Variants in SEC22C observed in about 807,000 individuals in gnomAD.
SEC22C encodes vesicle-trafficking protein SEC22c.
Under a neutral mutation model 34.7 loss-of-function variants are expected in SEC22C, and 29 were observed. The ratio of observed to expected loss-of-function variants is 0.84; its 90% CI spans 0.62 to 1.14. The LOEUF is 1.14. SEC22C is among the 50% of genes most tolerant of loss of function. The probability of loss-of-function intolerance (pLI) is 0.00; values close to 1 mark genes in which losing one functional copy is unlikely to be tolerated. For synonymous variants in SEC22C, 117 were observed against 132.8 expected (o/e 0.88, Z 0.82); for missense variants, 337 against 369.0 (o/e 0.91, Z 0.71).
At chr3:42,555,346 CAA>C (rs34824398) in intron 6 of SEC22C, among the ~76,000 whole-genome samples, 1 of 134,862 alleles carries the variant, frequency 7.4e-6, no homozygotes. Context: ...GACTCCGTCT[CAA>C]AAAAAAAAAA....
At chr3:42,558,263 G>A (rs1000415752) in intron 4 of SEC22C, among the ~76,000 whole-genome samples, 14 of 151,670 alleles carry the variant, frequency 9.2e-5, no homozygotes, top group South Asian at 2.1e-4. Context: ...AGCAGATCAC[G>A]TCAGCCCAGG....
intron 1 of SEC22C, among the ~76,000 whole-genome samples, chr3:42,576,731 A>C (rs1337680357): frequency 6.6e-6 from 1 of 151,926 alleles, no homozygotes; most frequent in Non-Finnish European, 1.5e-5. Flanking sequence ...TAATACAACT[A>C]CTGAAAAAAA....
chr3:42,556,802 C>T (rs1347337709), intron 5 of SEC22C, among the ~76,000 whole-genome samples: 5 of 152,208 alleles, frequency 3.3e-5, no homozygotes, highest in Admixed American at 6.5e-5. Context: ...TGGCTCACTG[C>T]AACCCCTGCC....
At chr3:42,575,959 T>C (rs1169693415) in intron 1 of SEC22C, among the ~76,000 whole-genome samples, 1 of 152,112 alleles carries the variant, frequency 6.6e-6, no homozygotes, top group Non-Finnish European at 1.5e-5. Flanking sequence ...ATAGACCATA[T>C]CCTGGACTAT....
intron 1 of SEC22C, chr3:42,594,977 G>C (rs956383298): frequency 1.3e-5 from 2 of 152,754 alleles, no homozygotes; most frequent in Admixed American, 1.3e-4. Flanking sequence ...TTGAAATAAA[G>C]CTTATTTTTC....
In SEC22C at chr3:42,552,637, G is replaced by A. The variant is rs531206719; in HGVS notation, c.*611C>T. ...CTCAGATTTCTTAACCATTTTCTCA[G>A]CTTAAGTTTGCCCTCACCCTAAATG... On this transcript the variant is annotated 3_prime_UTR_variant, in exon 7 of 7. Transcript: ENST00000264454. The A allele has an allele frequency of 2.0e-6, 2 of 983,794 alleles. No homozygotes were observed. The highest frequency in any genetic ancestry group is 2.4e-6 in the Non-Finnish European group (2 of 828,664). The allele number at this position is 983,794 out of a possible 1,614,324, so 60.9% of individuals were successfully genotyped here. A position where few individuals can be genotyped will look rare whatever the true frequency, so the allele number is the denominator to read the frequency against.
rs772391462 is a variant in SEC22C at position 42,563,935 on chromosome 3, G to A, written c.183-249C>T. The A allele has an allele frequency of 3.6e-6, 5 of 1,380,522 alleles. No individual in the cohort carries two copies. The South Asian group carries it at 6.1e-5, about 17-fold the overall frequency. The allele number at this position is 1,380,522 out of a possible 1,614,324, so 85.5% of individuals were successfully genotyped here. On this transcript the variant is annotated intron_variant, in intron 2 of 6. Coordinates refer to ENST00000264454, the MANE Select transcript of SEC22C (RefSeq NM_032970.4). ...ATCACTCTTATTTATTCATGCATGAGGGATGCATATTCTATTGGGGGAATT... is the reference window on the plus strand; with the variant it reads ...ATCACTCTTATTTATTCATGCATGAAGGATGCATATTCTATTGGGGGAATT...
intron 1 of SEC22C, among the ~76,000 whole-genome samples, chr3:42,569,802 C>T (rs116400988): frequency 0.013 from 2,018 of 152,296 alleles, 28 homozygotes; most frequent in Non-Finnish European, 0.022. Context: ...TCTGAACCCT[C>T]GTGGTGCCTT....
intron 4 of SEC22C, among the ~76,000 whole-genome samples, chr3:42,560,367 C>T (rs759069425): frequency 7.3e-5 from 11 of 150,148 alleles, no homozygotes; most frequent in Non-Finnish European, 1.5e-4. Flanking sequence ...AGACTTCACC[C>T]TAATTAAGAA....
intron 1 of SEC22C, among the ~76,000 whole-genome samples, chr3:42,573,044 G>A (rs1018944983): frequency 2.8e-4 from 42 of 152,152 alleles, no homozygotes; most frequent in African/African-American, 9.9e-4. Flanking sequence ...TAGACACAGG[G>A]TCTCGCTATG....
In SEC22C at chr3:42,557,617, A is replaced by C; in HGVS notation, c.606T>G (p.Asn202Lys). The C allele has an allele frequency of 6.2e-7, 1 of 1,608,726 alleles. No individual in the cohort carries two copies. Among genetic ancestry groups the C allele is most frequent in the Non-Finnish European group, 8.5e-7 (1 of 1,176,862 alleles). Residue 202 changes from asparagine (N) to lysine (K), a missense_variant, in exon 5 of 7, where the codon AAT (asparagine) becomes AAG (lysine). Transcript: ENST00000264454. ...LILNIMCAAL[N>K]LIRGVHLAEH... ...CTGCAAGGTGAACTCCTCGAATGAG[A>C]TTCAGGGCAGCACACATGATGTTGA... is the stretch of plus-strand genomic sequence containing the variant.
intron 1 of SEC22C, chr3:42,600,925 C>G: frequency 1.8e-6 from 2 of 1,119,290 alleles, no homozygotes; most frequent in South Asian, 1.7e-5. Context: ...CGCCCTCGCC[C>G]CTGCCCTCGC....
intron 2 of SEC22C, among the ~76,000 whole-genome samples, chr3:42,568,582 G>A (rs987784740): frequency 2.0e-5 from 3 of 150,986 alleles, no homozygotes; most frequent in African/African-American, 7.3e-5. Context: ...GGAGGCGGAG[G>A]TTGCAGTGAG....
chr3:42,571,059 G>A (rs1405526025), intron 1 of SEC22C, among the ~76,000 whole-genome samples: 1 of 152,220 alleles, frequency 6.6e-6, no homozygotes, highest in African/African-American at 2.4e-5. Context: ...CTAAAGGAAA[G>A]CAGTGTGCAC....
intron 1 of SEC22C, chr3:42,594,283 T>A: frequency 1.5e-6 from 1 of 645,506 alleles, no homozygotes; most frequent in Non-Finnish European, 2.8e-6. Context: ...TTAAATATGT[T>A]AAACAAGAAG....
intron 1 of SEC22C, chr3:42,591,434 C>A: frequency 1.1e-6 from 1 of 898,178 alleles, no homozygotes; most frequent in Non-Finnish European, 1.9e-6. Flanking sequence ...ACCTCGTGAT[C>A]CGCCTAGATC....
rs77527331 is a variant in SEC22C, at chr3:42,589,602, C to T, written c.-28+11358G>A. ...CGAGCATTCTGCCCCCTCAGATCAG[C>T]GGGGGCATTAGGATCAGCGGGAGCA... is the stretch of plus-strand genomic sequence containing the variant. On this transcript the variant is annotated intron_variant, in intron 1 of 6. Transcript: ENST00000417572. 1.1e-3 allele frequency among the ~76,000 whole-genome samples: 174 copies of T among 152,298 alleles called. 1 individual carries two copies. Among genetic ancestry groups the T allele is most frequent in the African/African-American group, 4.1e-3 (171 of 41,556 alleles).
In SEC22C at chr3:42,600,661, T is replaced by A. The variant is rs186802203; in HGVS notation, c.-28+299A>T. The A allele has an allele frequency of 1.6e-4, 29 of 184,170 alleles. No homozygotes were observed. The East Asian group carries it at 3.9e-3, about 25-fold the overall frequency. 11.4% of individuals were successfully genotyped at this position (184,170 alleles called of 1,614,324 possible). A position where few individuals can be genotyped will look rare whatever the true frequency, so the allele number is the denominator to read the frequency against. ...GACTCTCGCGGGGTTTAGCGTGGCA[T>A]TGGGAGGCCCGGCCTGGGGGAGGAG... is the stretch of plus-strand genomic sequence containing the variant. On this transcript the variant is annotated intron_variant, in intron 1 of 6. Transcript: ENST00000417572.
chr3:42,557,179 T>G (rs1329630062), intron 5 of SEC22C, among the ~76,000 whole-genome samples: 2 of 152,238 alleles, frequency 1.3e-5, no homozygotes. Context: ...AGGTGGCATC[T>G]GCATTATACA....
Sources: gnomAD v4.1 joint callset for allele counts (sites outside exome capture counted in the v4.1 genomes callset) on GRCh38, gnomAD v4.1.1 for gene constraint, MANE v1.5 for transcripts, NCBI Gene and HGNC (gene_info 2026-07-23, HGNC 2026-07-21) for gene names.